The following PTPRG variants were observed in gnomAD, a reference collection of about 807,000 sequenced individuals.
PTPRG encodes receptor-type tyrosine-protein phosphatase gamma.
A neutral mutation model predicts 165.3 loss-of-function variants in PTPRG; 102 were observed. The observed-to-expected ratio is 0.62, with a 90% CI of 0.53 to 0.73. The LOEUF is 0.73. Ranked by LOEUF, PTPRG falls within the 30% of genes least tolerant of loss-of-function variation. The pLI, the probability that PTPRG is intolerant of heterozygous loss-of-function variation, is 0.00. For synonymous variants in PTPRG, 675 were observed against 669.5 expected, an observed-to-expected ratio of 1.01 and a Z score of -0.13; for missense variants, 1,866 against 1,861.4, an observed-to-expected ratio of 1.00 and a Z score of -0.05.
intron 4 of PTPRG, among the ~76,000 whole-genome samples, chr3:62,030,412 A>G (rs184701448): frequency 1.3e-3 from 195 of 151,364 alleles, no homozygotes; most frequent in African/African-American, 4.1e-3. Flanking sequence ...AAAAATATGT[A>G]CATAAGACTA....
At chr3:61,947,573 C>T (rs974603555) in intron 2 of PTPRG, among the ~76,000 whole-genome samples, 1 of 152,112 alleles carries the variant, frequency 6.6e-6, no homozygotes, top group African/African-American at 2.4e-5. Flanking sequence ...AAAGCCAGGA[C>T]AAGCAGGGTG....
chr3:61,934,880 C>A (rs184008823), intron 2 of PTPRG, among the ~76,000 whole-genome samples: 1 of 152,226 alleles, frequency 6.6e-6, no homozygotes, highest in African/African-American at 2.4e-5. Flanking sequence ...TGTATCATGC[C>A]CCTGGTGCTC....
chr3:61,871,885 T>TAGTC (rs1190589247), intron 2 of PTPRG, among the ~76,000 whole-genome samples: 1 of 152,184 alleles, frequency 6.6e-6, no homozygotes, highest in Non-Finnish European at 1.5e-5. Context: ...CTATTTAACA[T>TAGTC]TTAAGGCCGT....
At chr3:61,830,178 G>A (rs924760788) in intron 2 of PTPRG, among the ~76,000 whole-genome samples, 5 of 152,168 alleles carry the variant, frequency 3.3e-5, no homozygotes, top group South Asian at 4.2e-4. Flanking sequence ...ATGTCATGTG[G>A]CATAACCCTG....
rs182366948 is a variant in PTPRG, at chr3:61,605,140, G to A, written c.85+42768G>A. ...TCTTTGCTGGAGGATTTAGTCACGC[G>A]TCTGTTTATTTTCTCATTCAGTTAG... On this transcript the variant is annotated intron_variant, in intron 1 of 29. Coordinates refer to ENST00000474889, the MANE Select transcript of PTPRG (RefSeq NM_002841.4). 1.3e-3 allele frequency among the ~76,000 whole-genome samples: 194 copies of A among 152,270 alleles called. 1 individual carries two copies. The highest frequency in any genetic ancestry group is 4.8e-4 in the African/African-American group (20 of 41,540).
chr3:61,804,590 G>A (rs1421709766), intron 2 of PTPRG, among the ~76,000 whole-genome samples: 2 of 151,354 alleles, frequency 1.3e-5, no homozygotes, highest in African/African-American at 4.9e-5. Flanking sequence ...TAGCATAAAA[G>A]TGCTGATTGT....
rs563659936 is a variant in PTPRG at position 61,666,382 on chromosome 3, A to G, written c.86-82496A>G. Among the ~76,000 whole-genome samples, 66 of 152,338 alleles carry G rather than the reference A, an allele frequency of 4.3e-4. 1 individual carries two copies. The highest frequency in any genetic ancestry group is 1.5e-3 in the African/African-American group (64 of 41,566). On this transcript the variant is annotated intron_variant, in intron 1 of 29. Transcript: ENST00000474889. ...CCTTAAGTTAAACTTACCAGTCTTC[A>G]TTTGCCAAATAATTTCCCCTTCTGG...
intron 1 of PTPRG, among the ~76,000 whole-genome samples, chr3:61,637,678 G>A (rs982791866): frequency 6.6e-6 from 1 of 152,152 alleles, no homozygotes; most frequent in Non-Finnish European, 1.5e-5. Context: ...CCGGGGTTGC[G>A]TCGCATTGCT....
chr3:61,868,041 G>C (rs144581649), intron 2 of PTPRG, among the ~76,000 whole-genome samples: 98 of 152,310 alleles, frequency 6.4e-4, no homozygotes, highest in Non-Finnish European at 1.2e-3. Flanking sequence ...GATTGGTTCA[G>C]TCTGATACCT....
intron 1 of PTPRG, among the ~76,000 whole-genome samples, chr3:61,643,320 A>G (rs1485142331): frequency 2.6e-5 from 4 of 152,184 alleles, no homozygotes. Flanking sequence ...AGAGACAGAC[A>G]TACCAACTGA....
chr3:61,833,497 C>T (rs1208107590), intron 2 of PTPRG, among the ~76,000 whole-genome samples: 1 of 152,188 alleles, frequency 6.6e-6, no homozygotes, highest in East Asian at 1.9e-4. Context: ...TGCCAATGCC[C>T]TGGTGAATCC....
Position 62,191,672 on chromosome 3 carries a change from G to A in PTPRG, c.1218+19G>A. Reference sequence around the variant, plus strand: ...AGACTTGGTATGAAGCCCCTCCTCTGATTCAGGGTACATGCTGCAGAGAGG... The same window carrying A: ...AGACTTGGTATGAAGCCCCTCCTCTAATTCAGGGTACATGCTGCAGAGAGG... On this transcript the variant is annotated intron_variant, in intron 9 of 29. Coordinates refer to ENST00000474889, the MANE Select transcript of PTPRG (RefSeq NM_002841.4). The A allele has an allele frequency of 1.2e-6, 2 of 1,609,848 alleles. No individual in the cohort carries two copies. Among genetic ancestry groups the A allele is most frequent in the Non-Finnish European group, 1.7e-6 (2 of 1,176,900 alleles).
intron 2 of PTPRG, among the ~76,000 whole-genome samples, chr3:61,789,811 T>A (rs2107121611): frequency 6.6e-6 from 1 of 152,314 alleles, no homozygotes; most frequent in East Asian, 1.9e-4. Context: ...CACGAGTTGA[T>A]TGTTATTTGA....
intron 4 of PTPRG, among the ~76,000 whole-genome samples, chr3:62,050,312 C>A (rs1286403650): frequency 6.6e-6 from 1 of 152,118 alleles, no homozygotes; most frequent in Non-Finnish European, 1.5e-5. Flanking sequence ...AAATACTTAC[C>A]ATCATGTTAC....
intron 14 of PTPRG, among the ~76,000 whole-genome samples, chr3:62,239,283 T>C (rs1701101235): frequency 6.6e-6 from 1 of 152,066 alleles, no homozygotes; most frequent in Non-Finnish European, 1.5e-5. Flanking sequence ...AGATAGAAAA[T>C]TGAAATTGCA....
intron 1 of PTPRG, among the ~76,000 whole-genome samples, chr3:61,579,184 G>C (rs1368128751): frequency 6.6e-6 from 1 of 152,206 alleles, no homozygotes; most frequent in Non-Finnish European, 1.5e-5. Context: ...TGTTCACACG[G>C]AACTTTGGCC....
chr3:62,220,106 G>T (rs1227662309), intron 13 of PTPRG, among the ~76,000 whole-genome samples: 1 of 152,224 alleles, frequency 6.6e-6, no homozygotes, highest in Non-Finnish European at 1.5e-5. Flanking sequence ...CTGAGGCAAG[G>T]GCATGCCTGG....
chr3:62,051,111 C>G (rs533883872), intron 4 of PTPRG, among the ~76,000 whole-genome samples: 2 of 152,330 alleles, frequency 1.3e-5, no homozygotes, highest in South Asian at 4.1e-4. Flanking sequence ...ATAAGTGAGG[C>G]ATGTCTCCAG....
chr3:62,267,266 C>T, intron 17 of PTPRG, 144 bp from the exon 18 acceptor site: 1 of 614,044 alleles, frequency 1.6e-6, no homozygotes, highest in Non-Finnish European at 2.9e-6. Context: ...GGTTTGAATG[C>T]TCTATTTAGT....
Sources: gnomAD v4.1 joint callset for allele counts (sites outside exome capture counted in the v4.1 genomes callset) on GRCh38, gnomAD v4.1.1 for gene constraint, MANE v1.5 for transcripts, NCBI Gene and HGNC (gene_info 2026-07-23, HGNC 2026-07-21) for gene names.